EPHB4: variants seen among roughly 807,000 people sequenced by gnomAD.
EPHB4 encodes the protein EPH receptor B4.
Under a neutral mutation model 110.6 loss-of-function variants are expected in EPHB4, and 50 were observed. That is an observed-to-expected ratio of 0.45 (90% CI 0.36 to 0.57). EPHB4 has a LOEUF of 0.57. EPHB4 is among the 20% of genes least tolerant of loss of function. The probability of loss-of-function intolerance (pLI) is 0.00; values close to 1 mark genes in which losing one functional copy is unlikely to be tolerated. For missense variants in EPHB4, 1,128 were observed against 1,382.1 expected (o/e 0.82, Z 2.91); for synonymous variants, 592 against 578.4 (o/e 1.02, Z -0.34).
chr7:100,826,128 AG>A (rs1813388022), intron 1 of EPHB4, among the ~76,000 whole-genome samples: 1 of 152,200 alleles, frequency 6.6e-6, no homozygotes, highest in Non-Finnish European at 1.5e-5. Flanking sequence ...AAAGGACATT[AG>A]GGACACAGGA....
At chr7:100,813,782 A>C in intron 9 of EPHB4, 66 bp from the exon 10 acceptor site, 2 of 1,610,224 alleles carry the variant, frequency 1.2e-6, no homozygotes, top group Non-Finnish European at 1.7e-6. Flanking sequence ...CACACACACC[A>C]AAGGAAGGAG....
chr7:100,823,098 G>GT (rs1813279514), intron 3 of EPHB4, among the ~76,000 whole-genome samples: 3 of 152,124 alleles, frequency 2.0e-5, no homozygotes, highest in African/African-American at 7.2e-5. Flanking sequence ...ACCAGCCTGG[G>GT]TAACGTAGAA....
chr7:100,826,150 G>A (rs1337801411), intron 1 of EPHB4, among the ~76,000 whole-genome samples: 1 of 152,226 alleles, frequency 6.6e-6, no homozygotes, highest in African/African-American at 2.4e-5. Flanking sequence ...GAGTTTCTAG[G>A]GCTCTTGGCT....
chr7:100,805,431 G>A, intron 15 of EPHB4, 70 bp downstream of exon 15: 1 of 1,563,132 alleles, frequency 6.4e-7, no homozygotes, highest in Non-Finnish European at 8.7e-7. Flanking sequence ...CAACACCAAT[G>A]AACGGACACT....
Position 100,818,517 on chromosome 7 carries a change from T to C in EPHB4, c.1422+3A>G, listed in dbSNP as rs3857809. 0.051 allele frequency: 82,653 copies of C among 1,613,684 alleles called. 14,563 individuals are homozygous for C. The East Asian group carries it at 0.61, about 12-fold the overall frequency. ...CCACCCCAGGGCTGGGGGATGGCCT[T>C]ACCTTCTCATGGTATTTGACCTCGT... On this transcript the variant is annotated splice_donor_region_variant and intron_variant, in intron 7 of 16. Transcript: ENST00000358173.
chr7:100,813,844 G>T (rs1002979049), intron 9 of EPHB4, 75 bp downstream of exon 9: 41 of 1,604,936 alleles, frequency 2.6e-5, no homozygotes, highest in Non-Finnish European at 3.4e-5. Context: ...AGCCAGAAAG[G>T]CTTGTCCTGT....
chr7:100,820,095 C>G lies in EPHB4; in HGVS notation c.964+46G>C, dbSNP rs779085286. 7 of 1,599,688 alleles carry G rather than the reference C, an allele frequency of 4.4e-6. No individual in the cohort carries two copies. The East Asian group carries it at 1.6e-4, about 36-fold the overall frequency. On this transcript the variant is annotated intron_variant, in intron 5 of 16. Coordinates refer to ENST00000358173, the MANE Select transcript of EPHB4 (RefSeq NM_004444.5). ...CCATGTGAGGGTCCACCTCAGAGGT[C>G]TGTGACCCCTCCCCAGTGAACTGCA...
rs78791462 is a variant in EPHB4 at position 100,807,627 on chromosome 7, C to T, written c.2119-47G>A. The T allele has an allele frequency of 2.8e-3, 4,439 of 1,566,178 alleles. 115 individuals carry two copies. In the African/African-American group the frequency reaches 0.055, roughly 19 times the overall value. ...GGCTTGGTGAGGACAGCCCACCCAC[C>T]GTTCCCCCTCCCATCCACATCTTTT... On this transcript the variant is annotated intron_variant, in intron 12 of 16. Coordinates refer to ENST00000358173, the MANE Select transcript of EPHB4 (RefSeq NM_004444.5).
chr7:100,815,765 T>C (rs933682886), intron 8 of EPHB4, among the ~76,000 whole-genome samples: 1 of 151,964 alleles, frequency 6.6e-6, no homozygotes, highest in African/African-American at 2.4e-5. Context: ...TGCGGGAGGA[T>C]TGCTCGAGGT....
chr7:100,813,768 G>A (rs750516897), intron 9 of EPHB4, 52 bp from the exon 10 acceptor site: 1 of 1,612,080 alleles, frequency 6.2e-7, no homozygotes. Context: ...ACATCTTTAT[G>A]AGGCACACAC....
At position 100,818,620 on chromosome 7, in the gene EPHB4, C is replaced by T. The variant is rs532017702; in HGVS notation, c.1322G>A (p.Arg441Gln). ...GCTGCTGGGTGAGGACCGCGTCACC[C>T]GGATGTCAGACACTGCAGGAGGTAC... ...REVPPAVSDI[R>Q]VTRSSPSSLS... Residue 441 changes from arginine (R) to glutamine (Q), a missense_variant, in exon 7 of 17, where the codon CGG (arginine) becomes CAG (glutamine). This residue lies in a region of EPHB4 where 728 missense variants were observed against 828.6 expected (regional missense o/e 0.88). Transcript: ENST00000358173. The T allele has an allele frequency of 7.4e-6, 12 of 1,612,138 alleles. No individual in the cohort carries two copies. The highest frequency in any genetic ancestry group is 6.7e-5 in the East Asian group (3 of 44,852).
At chr7:100,823,385 T>A (rs930142861) in intron 3 of EPHB4, among the ~76,000 whole-genome samples, 1 of 151,920 alleles carries the variant, frequency 6.6e-6, no homozygotes, top group South Asian at 2.1e-4. Flanking sequence ...TGGAGCACAG[T>A]GGGGTAGGGT....
chr7:100,803,886 T>A (rs1056532520), intron 16 of EPHB4, among the ~76,000 whole-genome samples: 1 of 152,024 alleles, frequency 6.6e-6, no homozygotes, highest in African/African-American at 2.4e-5. Context: ...GGGAAGAGGC[T>A]GCACAGATTG....
intron 4 of EPHB4, 107 bp from the exon 5 acceptor site, chr7:100,820,403 G>A: frequency 2.1e-6 from 3 of 1,408,362 alleles, no homozygotes; most frequent in East Asian, 2.5e-5. Context: ...GGCTGAGGCT[G>A]GAGGATCGCT....
chr7:100,827,126 G>A lies in EPHB4; in HGVS notation c.-96C>T, dbSNP rs547432389. ...CTGGGCGGGTGGACGCCGATACTCC[G>A]CGCGGGACTCCTCGTCGGGGCCCTC... On this transcript the variant is annotated 5_prime_UTR_variant, in exon 1 of 17. Coordinates refer to ENST00000358173, the MANE Select transcript of EPHB4 (RefSeq NM_004444.5). 5.4e-5 allele frequency: 73 copies of A among 1,350,050 alleles called. 1 individual carries two copies. The East Asian group carries it at 1.1e-3, about 20-fold the overall frequency. 83.6% of individuals were successfully genotyped at this position (1,350,050 alleles called of 1,614,324 possible).
chr7:100,820,657 A>G (rs1171860993), intron 4 of EPHB4, among the ~76,000 whole-genome samples: 2 of 152,142 alleles, frequency 1.3e-5, no homozygotes, highest in African/African-American at 4.8e-5. Context: ...ACTCCAACTT[A>G]TGATTTTAAA....
rs184992294 is a variant in EPHB4 at position 100,821,532 on chromosome 7, G to A, written c.808+739C>T. On this transcript the variant is annotated intron_variant, in intron 4 of 16. Transcript: ENST00000358173. ...AGTCCCAGCTACTCGGGAGGCTGAG[G>A]CAGGAGAATGGTGTTAACTTGGGAG... Among the ~76,000 whole-genome samples the A allele has an allele frequency of 1.0e-3, 157 of 151,300 alleles. 2 individuals carry two copies. In the East Asian group the frequency reaches 0.029, roughly 28 times the overall value.
At chr7:100,825,952 C>T (rs557651390) in intron 1 of EPHB4, among the ~76,000 whole-genome samples, 1 of 152,202 alleles carries the variant, frequency 6.6e-6, no homozygotes, top group African/African-American at 2.4e-5. Flanking sequence ...TCACTCCCAA[C>T]CCCACACCTA....
At chr7:100,806,030 G>A in intron 14 of EPHB4, 1 of 293,358 alleles carries the variant, frequency 3.4e-6, no homozygotes, top group Non-Finnish European at 6.2e-6. Flanking sequence ...CGTGATCTCA[G>A]CTCACTGCAA....
Sources: allele counts gnomAD v4.1 joint callset (sites outside exome capture counted in the v4.1 genomes callset), GRCh38; gene constraint gnomAD v4.1.1; regional missense constraint gnomAD v4.1.1; transcripts MANE v1.5; gene names NCBI Gene and HGNC (gene_info 2026-07-23, HGNC 2026-07-21).